Variants in ARID5B observed in about 807,000 individuals in gnomAD.
ARID5B encodes the protein AT-rich interactive domain-containing protein 5B.
ARID5B carries 13 observed loss-of-function variants against 97.2 expected under a neutral mutation model. The observed-to-expected ratio is 0.13, with a 90% CI of 0.09 to 0.21. ARID5B has a LOEUF of 0.21. Among genes scored for constraint, ARID5B ranks in the 10% least tolerant of loss-of-function variants. ARID5B has a pLI of 1.00. For missense variants in ARID5B, 1,210 were observed against 1,465.3 expected (o/e 0.83, Z 2.84); for synonymous variants, 556 against 570.3 (o/e 0.97, Z 0.36).
At chr10:61,918,670 C>G (rs985700023) in intron 2 of ARID5B, among the ~76,000 whole-genome samples, 1 of 152,154 alleles carries the variant, frequency 6.6e-6, no homozygotes, top group Non-Finnish European at 1.5e-5. Flanking sequence ...TTATCTATAT[C>G]TGTGATTTCC....
chr10:62,024,043 G>C (rs1057225121), intron 4 of ARID5B, among the ~76,000 whole-genome samples: 3 of 152,090 alleles, frequency 2.0e-5, no homozygotes, highest in Non-Finnish European at 4.4e-5. Flanking sequence ...TTTTAAAATG[G>C]GGATGATAAT....
intron 4 of ARID5B, chr10:62,025,386 A>G (rs1326669113): frequency 1.3e-5 from 2 of 152,190 alleles, no homozygotes; most frequent in Non-Finnish European, 2.9e-5. Flanking sequence ...CAGATTTATA[A>G]TGGGTATCTT....
Position 62,092,134 on chromosome 10 carries a change from G to C in ARID5B, c.2671G>C (p.Asp891His). 6.2e-7 allele frequency: 1 copy of C among 1,608,328 alleles called. No homozygotes were observed. Among genetic ancestry groups the C allele is most frequent in the Non-Finnish European group, 8.5e-7 (1 of 1,178,102 alleles). Reference sequence around the variant, plus strand: ...TTATCTCACGTCCCTGCACCTGCAAGACAAAAAGTCGGCGGCAGCAGAAGC... The same window carrying C: ...TTATCTCACGTCCCTGCACCTGCAACACAAAAAGTCGGCGGCAGCAGAAGC... ...VNYLTSLHLQDKKSAAAEAPT... is the reference protein window; with the variant it reads ...VNYLTSLHLQHKKSAAAEAPT... The change falls in exon 10 of 10, where the codon GAC (aspartate) becomes CAC (histidine). Residue 891 changes from aspartate to histidine, a missense_variant. This residue lies in a region of ARID5B where 800 missense variants were observed against 839.1 expected (regional missense o/e 0.95). Coordinates refer to ENST00000279873, the MANE Select transcript of ARID5B (RefSeq NM_032199.3).
At chr10:61,972,080 GAAAC>G (rs1047662756) in intron 3 of ARID5B, among the ~76,000 whole-genome samples, 2 of 151,860 alleles carry the variant, frequency 1.3e-5, no homozygotes, top group African/African-American at 2.4e-5. Context: ...ACAATACAAA[GAAAC>G]AGAAAGAAAA....
chr10:62,065,562 C>T (rs1224459271), intron 7 of ARID5B, among the ~76,000 whole-genome samples: 1 of 152,042 alleles, frequency 6.6e-6, no homozygotes, highest in East Asian at 1.9e-4. Context: ...AACAAAGAGC[C>T]AGGCCAGGCA....
intron 2 of ARID5B, among the ~76,000 whole-genome samples, chr10:61,935,050 A>AT (rs1844275482): frequency 1.3e-5 from 2 of 151,796 alleles, no homozygotes; most frequent in Admixed American, 6.6e-5. Context: ...AACATACTGG[A>AT]TATAACAATA....
chr10:61,926,496 T>C (rs1042412245), intron 2 of ARID5B, among the ~76,000 whole-genome samples: 7 of 152,226 alleles, frequency 4.6e-5, no homozygotes, highest in South Asian at 2.1e-4. Context: ...ATTCGTAGAC[T>C]AGTGTCTGTG....
intron 4 of ARID5B, among the ~76,000 whole-genome samples, chr10:62,007,839 C>T (rs1367439854): frequency 6.6e-6 from 1 of 152,120 alleles, no homozygotes; most frequent in Non-Finnish European, 1.5e-5. Context: ...CCAGATATCA[C>T]AGATCTGGCT....
At chr10:62,059,468 T>C (rs1564639656) in intron 7 of ARID5B, among the ~76,000 whole-genome samples, 173 bp downstream of exon 7, 2 of 152,154 alleles carry the variant, frequency 1.3e-5, no homozygotes, top group Non-Finnish European at 2.9e-5. Flanking sequence ...TAGTTCCAGG[T>C]TTGGCAAAAT....
intron 3 of ARID5B, among the ~76,000 whole-genome samples, chr10:61,991,433 A>T (rs1039681455): frequency 2.0e-5 from 3 of 151,994 alleles, no homozygotes; most frequent in Non-Finnish European, 1.5e-5. Flanking sequence ...TTTGCTTTAC[A>T]TTTCCCTAAT....
intron 4 of ARID5B, among the ~76,000 whole-genome samples, chr10:62,049,800 G>C (rs1452891725): frequency 1.3e-5 from 2 of 152,168 alleles, no homozygotes; most frequent in Non-Finnish European, 2.9e-5. Flanking sequence ...CTGGTTAACT[G>C]CCTAAGTAAG....
In ARID5B at chr10:61,902,195, A is replaced by G; in HGVS notation, c.58A>G (p.Ile20Val). ...GSPCGLHGPY[I>V]FYKAFQFHLE... ...ACCGTGTGGCTTGCACGGACCTTAC[A>G]TTTTCTACAAGGCTTTTCAATTCCA... Residue 20 changes from isoleucine (I) to valine (V), a missense_variant, in exon 2 of 10, where the codon ATT becomes GTT. Physicochemically the swap from Ile to Val is conservative, Grantham distance 29. Transcript: ENST00000279873. 3.1e-6 allele frequency: 5 copies of G among 1,612,980 alleles called. No homozygotes were observed. Among genetic ancestry groups the G allele is most frequent in the Non-Finnish European group, 4.2e-6 (5 of 1,179,936 alleles).
At chr10:62,079,258 C>G (rs553779570) in intron 8 of ARID5B, among the ~76,000 whole-genome samples, 2 of 146,774 alleles carry the variant, frequency 1.4e-5, no homozygotes, top group South Asian at 4.5e-4. Context: ...CTAGCAGAGG[C>G]AGGCAGTTTG....
intron 3 of ARID5B, among the ~76,000 whole-genome samples, chr10:61,944,232 T>C (rs1354815354): frequency 2.0e-5 from 3 of 152,236 alleles, no homozygotes; most frequent in Non-Finnish European, 4.4e-5. Context: ...TTAAGGAATG[T>C]ATTATTCATA....
rs1037140469 is a variant in ARID5B, at chr10:62,094,664, C to T, written c.*1634C>T. On this transcript the variant is annotated 3_prime_UTR_variant, in exon 10 of 10. Transcript: ENST00000279873. ...TACCGAGATATAACATTAAGGTGGACACATTTTCTAACTGTATTAATTAAA... is the reference window on the plus strand; with the variant it reads ...TACCGAGATATAACATTAAGGTGGATACATTTTCTAACTGTATTAATTAAA... 1 of 231,098 alleles carries T rather than the reference C, an allele frequency of 4.3e-6. No homozygotes were observed. Among genetic ancestry groups the T allele is most frequent in the Non-Finnish European group, 8.6e-6 (1 of 116,762 alleles). 14.3% of individuals were successfully genotyped at this position (231,098 alleles called of 1,614,324 possible). A position where few individuals can be genotyped will look rare whatever the true frequency, so the allele number is the denominator to read the frequency against.
In ARID5B at chr10:62,092,952, C is replaced by G. The variant is rs1266473400; in HGVS notation, c.3489C>G (p.Tyr1163Ter). The change falls in exon 10 of 10, where the codon TAC becomes TAG. Residue 1163 changes from tyrosine to a stop codon, truncating the protein, a stop_gained. Coordinates refer to ENST00000279873, the MANE Select transcript of ARID5B (RefSeq NM_032199.3). LOFTEE classifies it high-confidence loss of function. ...GGGACCTTTTGCATAACAGCATTTA[C>G]CCTTTAGCTGCTATAAATCCTCAAG... ...SYGDLLHNSI[Y>*]PLAAINPQAA... is the part of the protein sequence containing the mutation. 6.2e-7 allele frequency: 1 copy of G among 1,614,020 alleles called. No homozygotes were observed. The highest frequency in any genetic ancestry group is 1.3e-5 in the African/African-American group (1 of 74,918).
chr10:61,912,707 C>A (rs2132760398), intron 2 of ARID5B, among the ~76,000 whole-genome samples: 1 of 151,646 alleles, frequency 6.6e-6, no homozygotes, highest in East Asian at 1.9e-4. Context: ...TACACACACA[C>A]ACATACAGAT....
chr10:61,982,362 A>G (rs1284710945), intron 3 of ARID5B, among the ~76,000 whole-genome samples: 1 of 152,206 alleles, frequency 6.6e-6, no homozygotes, highest in East Asian at 1.9e-4. Flanking sequence ...CTTGTCAAGA[A>G]CAACTGTTCT....
At chr10:61,917,809 T>C (rs1194504616) in intron 2 of ARID5B, among the ~76,000 whole-genome samples, 2 of 152,130 alleles carry the variant, frequency 1.3e-5, no homozygotes, top group Admixed American at 6.5e-5. Flanking sequence ...TCTGGAGGGA[T>C]GGCAGGAAGA....
Sources: gnomAD v4.1 joint callset for allele counts (sites outside exome capture counted in the v4.1 genomes callset) on GRCh38, gnomAD v4.1.1 for gene constraint, gnomAD v4.1.1 regional missense constraint, MANE v1.5 for transcripts, NCBI Gene and HGNC (gene_info 2026-07-23, HGNC 2026-07-21) for gene names.